The following PPP3CC variants were observed in gnomAD, a reference collection of about 807,000 sequenced individuals.
PPP3CC encodes serine/threonine-protein phosphatase 2B catalytic subunit gamma isoform.
PPP3CC carries 35 observed loss-of-function variants against 60.3 expected under a neutral mutation model. The ratio of observed to expected loss-of-function variants is 0.58; its 90% CI spans 0.44 to 0.77. PPP3CC has a LOEUF of 0.77. Ranked by LOEUF, PPP3CC falls within the 30% of genes least tolerant of loss-of-function variation. The pLI, the probability that PPP3CC is intolerant of heterozygous loss-of-function variation, is 0.00. For synonymous variants in PPP3CC, 206 were observed against 224.3 expected, an observed-to-expected ratio of 0.92 and a Z score of 0.73; for missense variants, 570 against 628.9, an observed-to-expected ratio of 0.91 and a Z score of 1.00.
intron 3 of PPP3CC, among the ~76,000 whole-genome samples, chr8:22,487,359 C>T (rs1209412505): frequency 6.6e-6 from 1 of 152,174 alleles, no homozygotes; most frequent in Non-Finnish European, 1.5e-5. Flanking sequence ...CGCCCTGGCT[C>T]ACACCGGTAA....
intron 11 of PPP3CC, 105 bp downstream of exon 11, chr8:22,532,411 G>C (rs1469026930): frequency 1.1e-6 from 1 of 928,996 alleles, no homozygotes; most frequent in African/African-American, 1.7e-5. Context: ...TATTGAAACT[G>C]CAGGTCTTTA....
intron 3 of PPP3CC, among the ~76,000 whole-genome samples, chr8:22,489,785 T>C (rs1838344527): frequency 6.9e-6 from 1 of 144,102 alleles, no homozygotes; most frequent in East Asian, 2.0e-4. Context: ...ATATATATAG[T>C]AAGTATATAT....
chr8:22,494,963 C>CA (rs2132506394), intron 3 of PPP3CC, among the ~76,000 whole-genome samples: 1 of 152,142 alleles, frequency 6.6e-6, no homozygotes, highest in African/African-American at 2.4e-5. Flanking sequence ...TTTTAAGAGA[C>CA]AAGAGTCTCA....
intron 6 of PPP3CC, among the ~76,000 whole-genome samples, chr8:22,515,552 G>C (rs1839220998): frequency 6.6e-6 from 1 of 152,154 alleles, no homozygotes; most frequent in South Asian, 2.1e-4. Context: ...ACTCCAAACT[G>C]TTCTCCATAG....
chr8:22,534,736 T>C (rs964764408), intron 12 of PPP3CC, among the ~76,000 whole-genome samples: 3 of 152,172 alleles, frequency 2.0e-5, no homozygotes, highest in Non-Finnish European at 4.4e-5. Flanking sequence ...TTCCGAAATA[T>C]AAATAAATAA....
intron 12 of PPP3CC, among the ~76,000 whole-genome samples, chr8:22,534,385 G>A (rs892304772): frequency 1.3e-5 from 2 of 150,898 alleles, no homozygotes; most frequent in African/African-American, 2.4e-5. Flanking sequence ...TTGTGCCACT[G>A]CACTCCAGTC....
chr8:22,512,813 A>G (rs1839126481), intron 5 of PPP3CC, among the ~76,000 whole-genome samples: 1 of 152,196 alleles, frequency 6.6e-6, no homozygotes, highest in African/African-American at 2.4e-5. Context: ...GCGGTGGTTC[A>G]CGCCTGTAAT....
intron 3 of PPP3CC, among the ~76,000 whole-genome samples, chr8:22,485,418 G>C (rs2132486538): frequency 6.6e-6 from 1 of 152,224 alleles, no homozygotes; most frequent in Admixed American, 6.5e-5. Flanking sequence ...TCCTTAATAG[G>C]AGATCCCTCA....
At chr8:22,449,347 G>T (rs1202050994) in intron 1 of PPP3CC, among the ~76,000 whole-genome samples, 1 of 150,864 alleles carries the variant, frequency 6.6e-6, no homozygotes, top group Non-Finnish European at 1.5e-5. Context: ...TACTTGGGAG[G>T]CTGAGGTGGG....
At chr8:22,524,660 G>T (rs191171186) in intron 8 of PPP3CC, among the ~76,000 whole-genome samples, 2 of 152,048 alleles carry the variant, frequency 1.3e-5, no homozygotes, top group African/African-American at 4.8e-5. Flanking sequence ...TTGTAATGAA[G>T]GTGTTTCTTT....
intron 1 of PPP3CC, among the ~76,000 whole-genome samples, chr8:22,472,116 G>A (rs772665843): frequency 2.0e-5 from 3 of 151,886 alleles, no homozygotes; most frequent in Non-Finnish European, 4.4e-5. Context: ...GCAATAAAGC[G>A]AGATCCTATC....
At chr8:22,509,763 A>G (rs552284314) in intron 4 of PPP3CC, among the ~76,000 whole-genome samples, 2 of 152,282 alleles carry the variant, frequency 1.3e-5, no homozygotes, top group Non-Finnish European at 2.9e-5. Context: ...GTGCAGTGAC[A>G]CTATCGTAGT....
At chr8:22,520,775 C>G (rs530722984) in intron 6 of PPP3CC, among the ~76,000 whole-genome samples, 3 of 152,162 alleles carry the variant, frequency 2.0e-5, no homozygotes, top group African/African-American at 7.2e-5. Flanking sequence ...ATTTTGGATT[C>G]TTTGTCATGC....
intron 3 of PPP3CC, among the ~76,000 whole-genome samples, chr8:22,482,016 G>A (rs1838085299): frequency 6.6e-6 from 1 of 152,140 alleles, no homozygotes; most frequent in South Asian, 2.1e-4. Context: ...TGTCTTTATA[G>A]TAGAATGATT....
At chr8:22,527,857 A>C (rs1446105222) in intron 9 of PPP3CC, among the ~76,000 whole-genome samples, 1 of 151,902 alleles carries the variant, frequency 6.6e-6, no homozygotes. Flanking sequence ...CTGGTCTCAA[A>C]CTCCTGACCT....
In PPP3CC at chr8:22,441,126, C is replaced by A. The variant is rs1372065377; in HGVS notation, c.-284C>A. 3.2e-6 allele frequency: 1 copy of A among 314,956 alleles called. No homozygotes were observed. The highest frequency in any genetic ancestry group is 5.8e-6 in the Non-Finnish European group (1 of 172,912). The allele number at this position is 314,956 out of a possible 1,614,324, so 19.5% of individuals were successfully genotyped here. A position where few individuals can be genotyped will look rare whatever the true frequency, so the allele number is the denominator to read the frequency against. ...GAGCAGCCGCGGCCGTCCCGGTCGC[C>A]ACCCTTAGCAGCGGTCGCGGTCGGT... On this transcript the variant is annotated 5_prime_UTR_variant, in exon 1 of 14. Transcript: ENST00000240139.
At chr8:22,518,242 T>G (rs1839305887) in intron 6 of PPP3CC, among the ~76,000 whole-genome samples, 1 of 152,050 alleles carries the variant, frequency 6.6e-6, no homozygotes, top group African/African-American at 2.4e-5. Context: ...TTTTTAAAAT[T>G]TTTAGAGGAG....
At chr8:22,463,888 G>A (rs1042252675) in intron 1 of PPP3CC, among the ~76,000 whole-genome samples, 4 of 151,510 alleles carry the variant, frequency 2.6e-5, no homozygotes, top group Non-Finnish European at 4.4e-5. Flanking sequence ...CTGGATTCAA[G>A]CAATTCTCCT....
intron 1 of PPP3CC, among the ~76,000 whole-genome samples, chr8:22,470,899 C>G (rs1837702091): frequency 6.6e-6 from 1 of 152,120 alleles, no homozygotes; most frequent in Admixed American, 6.6e-5. Flanking sequence ...GGGTATATAC[C>G]TAAGAGAAAA....
Sources: allele counts gnomAD v4.1 joint callset (sites outside exome capture counted in the v4.1 genomes callset), GRCh38; gene constraint gnomAD v4.1.1; transcripts MANE v1.5; gene names NCBI Gene and HGNC (gene_info 2026-07-23, HGNC 2026-07-21).